The following LRFN5 variants were observed in gnomAD, a reference collection of about 807,000 sequenced individuals.
LRFN5 encodes the protein leucine-rich repeat and fibronectin type-III domain-containing protein 5.
A neutral mutation model predicts 45.6 loss-of-function variants in LRFN5; 24 were observed. That is an observed-to-expected ratio of 0.53 (90% confidence interval 0.38 to 0.74). LRFN5 has a LOEUF of 0.74. LRFN5 is among the 30% of genes least tolerant of loss of function. LRFN5 has a pLI of 0.00. For missense variants in LRFN5, 776 were observed against 861.5 expected (o/e 0.90, Z 1.24); for synonymous variants, 340 against 313.8 (o/e 1.08, Z -0.88).
intron 2 of LRFN5, among the ~76,000 whole-genome samples, chr14:41,804,378 T>A (rs979852310): frequency 6.6e-6 from 1 of 152,066 alleles, no homozygotes; most frequent in African/African-American, 2.4e-5. Context: ...CATTTGGTCA[T>A]CAGAAATGCA....
In LRFN5 at chr14:41,608,513, C is replaced by T. The variant is rs889958765; in HGVS notation, c.-246C>T. On this transcript the variant is annotated 5_prime_UTR_variant, in exon 1 of 6. Transcript: ENST00000298119. ...TGGAGCCACCTTGCCGGGATTGTAC[C>T]TGCAGGCAGAAAGTCTTCCTACGAC... 3.3e-5 allele frequency: 5 copies of T among 152,714 alleles called. No individual in the cohort carries two copies. Among genetic ancestry groups the T allele is most frequent in the Admixed American group, 6.5e-5 (1 of 15,280 alleles). 9.5% of individuals were successfully genotyped at this position (152,714 alleles called of 1,614,324 possible). A position where few individuals can be genotyped will look rare whatever the true frequency, so the allele number is the denominator to read the frequency against.
intron 2 of LRFN5, among the ~76,000 whole-genome samples, chr14:41,847,327 G>A (rs1889104254): frequency 6.6e-6 from 1 of 152,014 alleles, no homozygotes; most frequent in Non-Finnish European, 1.5e-5. Flanking sequence ...CATTAGTATA[G>A]CAAGACTGAG....
At chr14:41,813,085 CA>C (rs1887791138) in intron 2 of LRFN5, among the ~76,000 whole-genome samples, 1 of 152,086 alleles carries the variant, frequency 6.6e-6, no homozygotes, top group South Asian at 2.1e-4. Flanking sequence ...ACTGATTATG[CA>C]GAGATAATTT....
intron 2 of LRFN5, among the ~76,000 whole-genome samples, chr14:41,837,640 C>G (rs1461705511): frequency 1.3e-5 from 2 of 151,924 alleles, no homozygotes; most frequent in African/African-American, 4.8e-5. Context: ...GAAGGTAGGC[C>G]AGCAAGGGGA....
chr14:41,635,755 C>T (rs534977182), intron 1 of LRFN5, among the ~76,000 whole-genome samples: 1 of 152,096 alleles, frequency 6.6e-6, no homozygotes, highest in Admixed American at 6.6e-5. Context: ...GTATAAGGAA[C>T]AGTCTCACTA....
At chr14:41,718,707 C>T (rs1181441217) in intron 1 of LRFN5, among the ~76,000 whole-genome samples, 1 of 152,162 alleles carries the variant, frequency 6.6e-6, no homozygotes, top group Non-Finnish European at 1.5e-5. Context: ...CAAAACTCCA[C>T]ATCTCAGCCC....
chr14:41,864,218 C>G (rs1889765918), intron 2 of LRFN5, among the ~76,000 whole-genome samples: 1 of 152,118 alleles, frequency 6.6e-6, no homozygotes, highest in South Asian at 2.1e-4. Context: ...CATGGTATTT[C>G]TGGTTCTAGA....
At chr14:41,874,296 A>T (rs1051388204) in intron 2 of LRFN5, among the ~76,000 whole-genome samples, 7 of 152,154 alleles carry the variant, frequency 4.6e-5, no homozygotes, top group Admixed American at 4.6e-4. Context: ...TAGATACCTA[A>T]TAATGTTTTC....
At chr14:41,901,145 T>A (rs1024620807) in intron 5 of LRFN5, among the ~76,000 whole-genome samples, 1 of 151,974 alleles carries the variant, frequency 6.6e-6, no homozygotes, top group Non-Finnish European at 1.5e-5. Context: ...TTTTATAATA[T>A]AATCATAAAA....
chr14:41,659,294 A>G (rs1026435942), intron 1 of LRFN5, among the ~76,000 whole-genome samples: 5 of 152,002 alleles, frequency 3.3e-5, no homozygotes, highest in Non-Finnish European at 7.4e-5. Context: ...GATTGAGAAC[A>G]TGTGGTGTTT....
At chr14:41,765,702 A>G (rs969821658) in intron 1 of LRFN5, among the ~76,000 whole-genome samples, 2 of 152,216 alleles carry the variant, frequency 1.3e-5, no homozygotes, top group African/African-American at 2.4e-5. Flanking sequence ...CTAAAATGCT[A>G]TAGTAAACAT....
intron 2 of LRFN5, among the ~76,000 whole-genome samples, chr14:41,774,580 A>T (rs545508263): frequency 5.3e-5 from 8 of 152,246 alleles, no homozygotes; most frequent in Non-Finnish European, 1.0e-4. Context: ...TAATGTTGAA[A>T]CTACATGACA....
In LRFN5 at chr14:41,894,480, TG is replaced by T. The variant is rs1416287349; in HGVS notation, c.2098+2519del. 6.2e-6 allele frequency: 6 copies of T among 961,766 alleles called. No homozygotes were observed. In the African/African-American group the frequency reaches 1.1e-4, roughly 17 times the overall value. The allele number at this position is 961,766 out of a possible 1,614,324, so 59.6% of individuals were successfully genotyped here. A position where few individuals can be genotyped will look rare whatever the true frequency, so the allele number is the denominator to read the frequency against. ...ATGCTTGAACACTTGTTCTTAAAAATGATAGAAAGGTGAGTATCTGGCCTGA... is the reference window on the plus strand; with the variant it reads ...ATGCTTGAACACTTGTTCTTAAAAATATAGAAAGGTGAGTATCTGGCCTGA... On this transcript the variant is annotated intron_variant, in intron 4 of 5. Transcript: ENST00000298119.
chr14:41,874,508 C>T (rs1266137739), intron 2 of LRFN5, among the ~76,000 whole-genome samples: 1 of 152,094 alleles, frequency 6.6e-6, no homozygotes. Flanking sequence ...TATCTGAAGC[C>T]ACATGCCTAC....
chr14:41,703,559 G>GT (rs1479067768), intron 1 of LRFN5, among the ~76,000 whole-genome samples: 3 of 151,164 alleles, frequency 2.0e-5, no homozygotes, highest in Admixed American at 6.6e-5. Context: ...TTTGTTTTTT[G>GT]TTTTTTTCCC....
chr14:41,857,867 TAAG>T (rs934875019), intron 2 of LRFN5, among the ~76,000 whole-genome samples: 1 of 151,884 alleles, frequency 6.6e-6, no homozygotes, highest in Non-Finnish European at 1.5e-5. Flanking sequence ...AGTTTGAAAA[TAAG>T]AGGAGAAGAG....
chr14:41,764,295 GT>G (rs1179949536), intron 1 of LRFN5, among the ~76,000 whole-genome samples: 1 of 152,020 alleles, frequency 6.6e-6, no homozygotes, highest in African/African-American at 2.4e-5. Flanking sequence ...ACCTTTCTCT[GT>G]CCTTGCATTT....
chr14:41,871,574 AG>A (rs940467311), intron 2 of LRFN5, among the ~76,000 whole-genome samples: 1 of 132,678 alleles, frequency 7.5e-6, no homozygotes, highest in African/African-American at 2.7e-5. Flanking sequence ...AGGCAACAAG[AG>A]CAAAAATCTG....
At chr14:41,627,132 C>T (rs1414926502) in intron 1 of LRFN5, among the ~76,000 whole-genome samples, 1 of 152,116 alleles carries the variant, frequency 6.6e-6, no homozygotes, top group East Asian at 1.9e-4. Flanking sequence ...ACTAATCTCT[C>T]ACTTTATATT....
Sources: gnomAD v4.1 joint callset for allele counts (sites outside exome capture counted in the v4.1 genomes callset) on GRCh38, gnomAD v4.1.1 for gene constraint, MANE v1.5 for transcripts, NCBI Gene and HGNC (gene_info 2026-07-23, HGNC 2026-07-21) for gene names.